The following GNAS variants were observed in gnomAD, a reference collection of about 807,000 sequenced individuals.
GNAS encodes the protein protein ALEX.
GNAS carries 8 observed loss-of-function variants against 54.5 expected under a neutral mutation model. The observed-to-expected ratio is 0.15, with a 90% CI of 0.09 to 0.26. The LOEUF is 0.26. Ranked by LOEUF, GNAS falls within the 10% of genes least tolerant of loss-of-function variation. The pLI is 1.00. For missense variants in GNAS, 170 were observed against 529.8 expected (o/e 0.32, Z 6.67); for synonymous variants, 204 against 191.4 (o/e 1.07, Z -0.54).
intron 1 of GNAS, among the ~76,000 whole-genome samples, chr20:58,867,029 T>C (rs1021399772): frequency 6.6e-6 from 1 of 152,254 alleles, no homozygotes; most frequent in Non-Finnish European, 1.5e-5. Context: ...GTCTGAAGAC[T>C]AGCTTTTTAT....
At chr20:58,879,224 C>G (rs2088056217) in intron 1 of GNAS, among the ~76,000 whole-genome samples, 1 of 152,136 alleles carries the variant, frequency 6.6e-6, no homozygotes, top group South Asian at 2.1e-4. Flanking sequence ...TTACAGAGCA[C>G]TAAAAAGCAA....
chr20:58,869,809 C>G (rs777587645), intron 1 of GNAS, among the ~76,000 whole-genome samples: 1 of 152,246 alleles, frequency 6.6e-6, no homozygotes, highest in Non-Finnish European at 1.5e-5. Flanking sequence ...GGTGTCCTCT[C>G]TAAGGATGGG....
chr20:58,841,749 G>C lies in GNAS; in HGVS notation c.43+863G>C, dbSNP rs767823238. Reference sequence around the variant, plus strand: ...GGGTTGAACGCACAGGCATGGTCACGTCGGGGTATTGCCAAGCTTTTGGCG... The same window carrying C: ...GGGTTGAACGCACAGGCATGGTCACCTCGGGGTATTGCCAAGCTTTTGGCG... On this transcript the variant is annotated intron_variant, in intron 1 of 12. Coordinates refer to the GNAS transcript ENST00000306090. This position sits in a 1 kb window ranked among gnomAD's most constrained non-coding sequence, Gnocchi z 5.0. 3.5e-4 allele frequency: 427 copies of C among 1,228,344 alleles called. No individual in the cohort carries two copies. Among genetic ancestry groups the C allele is most frequent in the Non-Finnish European group, 4.2e-4 (413 of 986,332 alleles). The allele number at this position is 1,228,344 out of a possible 1,614,324, so 76.1% of individuals were successfully genotyped here.
chr20:58,846,313 C>A (rs1458802552), intron 1 of GNAS, among the ~76,000 whole-genome samples: 1 of 152,078 alleles, frequency 6.6e-6, no homozygotes, highest in Non-Finnish European at 1.5e-5. Flanking sequence ...GAACCAGGTG[C>A]ATCAAGGGAC....
chr20:58,888,994 C>A, upstream of GNAS: 1 of 900,878 alleles, frequency 1.1e-6, no homozygotes, highest in Non-Finnish European at 1.3e-6. Context: ...GGCCCACGCC[C>A]GCGCGGTCCC....
intron 1 of GNAS, chr20:58,854,756 C>A: frequency 6.5e-7 from 1 of 1,548,274 alleles, no homozygotes; most frequent in East Asian, 2.4e-5. Context: ...CAGGGGCTCC[C>A]ACTGCCCCAG....
chr20:58,848,846 AT>A, intron 1 of GNAS: 2 of 398,552 alleles, frequency 5.0e-6, no homozygotes, highest in Non-Finnish European at 8.8e-6. Context: ...CCCTGACCCC[AT>A]TACTGATGTT....
At chr20:58,877,731 A>ACGG (rs986015494) in intron 1 of GNAS, among the ~76,000 whole-genome samples, 1 of 152,224 alleles carries the variant, frequency 6.6e-6, no homozygotes, top group Non-Finnish European at 1.5e-5. Flanking sequence ...GAACGAGAGA[A>ACGG]CGGCGCTGTC....
chr20:58,906,716 G>C (rs1180940880), intron 6 of GNAS, among the ~76,000 whole-genome samples: 1 of 152,106 alleles, frequency 6.6e-6, no homozygotes, highest in Non-Finnish European at 1.5e-5. Context: ...ATTTTTAGTA[G>C]AGATGGGGTT....
Position 58,891,603 on chromosome 20 carries a change from C to A in GNAS, c.-124C>A. On this transcript the variant is annotated 5_prime_UTR_variant, in exon 1 of 13. Coordinates refer to ENST00000371085, the MANE Select transcript of GNAS (RefSeq NM_000516.7). ...GCAGTCCGCCCCGCGCGCTCCTTGC[C>A]GAGGAGCCGAGCCCGCGCCCGGCCC... 1.0e-6 allele frequency: 1 copy of A among 972,030 alleles called. No individual in the cohort carries two copies. Among genetic ancestry groups the A allele is most frequent in the South Asian group, 4.7e-5 (1 of 21,356 alleles). 60.2% of individuals were successfully genotyped at this position (972,030 alleles called of 1,614,324 possible). A position where few individuals can be genotyped will look rare whatever the true frequency, so the allele number is the denominator to read the frequency against.
Position 58,910,310 on chromosome 20 carries a change from A to T in GNAS, c.971-24A>T. ...CTCTGCTTGAATTTTAAATTACATT[A>T]ATATGTATTCCCTTTTTATATAGCT... is the stretch of plus-strand genomic sequence containing the variant. On this transcript the variant is annotated intron_variant, in intron 11 of 12. Coordinates refer to ENST00000371085, the MANE Select transcript of GNAS (RefSeq NM_000516.7). This position sits in a 1 kb window ranked among gnomAD's most constrained non-coding sequence, Gnocchi z 5.8. The T allele has an allele frequency of 1.9e-6, 3 of 1,554,138 alleles. No homozygotes were observed. The highest frequency in any genetic ancestry group is 2.7e-6 in the Non-Finnish European group (3 of 1,125,296).
chr20:58,892,935 C>T (rs1010994534), intron 1 of GNAS, among the ~76,000 whole-genome samples: 1 of 137,758 alleles, frequency 7.3e-6, no homozygotes, highest in Non-Finnish European at 1.5e-5. Context: ...AAAAAAAACA[C>T]ATTTTCCTGC....
At chr20:58,903,650 C>G (rs201998605) in intron 4 of GNAS, 22 bp from the exon 5 acceptor site, 17 of 1,614,098 alleles carry the variant, frequency 1.1e-5, no homozygotes, top group South Asian at 7.7e-5. Context: ...GTTCCCTGAC[C>G]GCTTTGCTAA....
chr20:58,893,066 CTT>C lies in GNAS; in HGVS notation c.139+1223_139+1224del, dbSNP rs869179421. Among the ~76,000 whole-genome samples the C allele has an allele frequency of 7.1e-3, 734 of 103,014 alleles. 2 individuals are homozygous for C. Among genetic ancestry groups the C allele is most frequent in the African/African-American group, 0.028 (676 of 24,170 alleles). 67.6% of individuals were successfully genotyped at this position (103,014 alleles called of 152,430 possible). A position where few individuals can be genotyped will look rare whatever the true frequency, so the allele number is the denominator to read the frequency against. The stretch of plus-strand genomic sequence containing the variant: ...TCTTGGTCTGGAAATGGCGTGGTTT[CTT>C]TTTTTTTTTTTTTTTTTTTTTGTCC... On this transcript the variant is annotated intron_variant, in intron 1 of 12. Coordinates refer to ENST00000371085, the MANE Select transcript of GNAS (RefSeq NM_000516.7).
chr20:58,853,524 G>A lies in GNAS; in HGVS notation c.43+12638G>A, dbSNP rs770229128. The A allele has an allele frequency of 6.2e-7, 1 of 1,613,294 alleles. No individual in the cohort carries two copies. The highest frequency in any genetic ancestry group is 8.5e-7 in the Non-Finnish European group (1 of 1,179,880). Reference sequence around the variant, plus strand: ...TCAGGTCCTCAACCCGGCATTCAGGGAAGCTGGAGCCCATGGAAGCTACAG... The same window carrying A: ...TCAGGTCCTCAACCCGGCATTCAGGAAAGCTGGAGCCCATGGAAGCTACAG... On this transcript the variant is annotated intron_variant, in intron 1 of 12. Coordinates refer to the GNAS transcript ENST00000306090. The surrounding 1 kb of genome is among the most constrained non-coding windows in gnomAD (Gnocchi z 4.4).
At chr20:58,865,080 G>A (rs2086977780) in intron 1 of GNAS, among the ~76,000 whole-genome samples, 1 of 152,018 alleles carries the variant, frequency 6.6e-6, no homozygotes, top group Non-Finnish European at 1.5e-5. Flanking sequence ...AAATTCTGGG[G>A]ACAGTTCAAG....
At chr20:58,907,008 G>C (rs2091105422) in intron 6 of GNAS, among the ~76,000 whole-genome samples, 1 of 152,112 alleles carries the variant, frequency 6.6e-6, no homozygotes, top group Non-Finnish European at 1.5e-5. Context: ...TTTGCTATAG[G>C]AAGTATTAGC....
intron 3 of GNAS, 124 bp downstream of exon 3, chr20:58,899,109 T>C (rs1172929746): frequency 5.0e-6 from 4 of 795,980 alleles, no homozygotes; most frequent in East Asian, 5.0e-5. Flanking sequence ...ATCAGCCATA[T>C]TGGCATACAT....
In GNAS at chr20:58,859,729, C is replaced by T. The variant is rs184198198; in HGVS notation, c.43+18843C>T. On this transcript the variant is annotated intron_variant, in intron 1 of 12. Coordinates refer to the GNAS transcript ENST00000306090. The stretch of plus-strand genomic sequence containing the variant: ...ACAACCTCTGCCTCCTGGGTTCAAG[C>T]GATTCTCCTGCCTCAGCCTCCTGAG... 2.7e-3 allele frequency among the ~76,000 whole-genome samples: 414 copies of T among 151,706 alleles called. 6 individuals are homozygous for T. The highest frequency in any genetic ancestry group is 0.025 in the Admixed American group (378 of 15,216).
Sources: gnomAD v4.1 joint callset for allele counts (sites outside exome capture counted in the v4.1 genomes callset) on GRCh38, gnomAD v4.1.1 for gene constraint, Gnocchi (gnomAD v3.1) non-coding constraint, MANE v1.5 for transcripts, NCBI Gene and HGNC (gene_info 2026-07-23, HGNC 2026-07-21) for gene names.